The following RBMS2 variants were observed in gnomAD, a reference collection of about 807,000 sequenced individuals.
RBMS2 encodes the protein RNA-binding motif, single-stranded-interacting protein 2.
Under a neutral mutation model 58.4 loss-of-function variants are expected in RBMS2, and 38 were observed. The observed-to-expected ratio is 0.65, with a 90% CI of 0.50 to 0.85. RBMS2 has a LOEUF of 0.85. RBMS2 is among the 40% of genes least tolerant of loss of function. The pLI is 0.00. For synonymous variants in RBMS2, 151 were observed against 180.7 expected (o/e 0.84, Z 1.32); for missense variants, 367 against 503.7 (o/e 0.73, Z 2.60).
At position 56,582,170 on chromosome 12, in the gene RBMS2, A is replaced by G. The variant is rs1884053865; in HGVS notation, c.873+18A>G. The G allele has an allele frequency of 6.4e-7, 1 of 1,568,320 alleles. No individual in the cohort carries two copies. The highest frequency in any genetic ancestry group is 8.7e-7 in the Non-Finnish European group (1 of 1,143,360). ...CGTATCAGGTATGTTCATGCCTGAA[A>G]AATGGTGTGGTGGTTTTCCCTACTA... On this transcript the variant is annotated intron_variant, in intron 9 of 13. Transcript: ENST00000262031.
intron 1 of RBMS2, among the ~76,000 whole-genome samples, chr12:56,539,219 G>C (rs950016437): frequency 4.0e-5 from 6 of 151,890 alleles, no homozygotes; most frequent in Admixed American, 3.3e-4. Flanking sequence ...GTTTCACCAT[G>C]TTGGCCAGGC....
intron 1 of RBMS2, among the ~76,000 whole-genome samples, chr12:56,547,582 G>T (rs1877472404): frequency 6.6e-6 from 1 of 151,622 alleles, no homozygotes; most frequent in South Asian, 2.1e-4. Flanking sequence ...TCACCCTCAG[G>T]AATTAATTGT....
chr12:56,584,259 CCT>C (rs1884360635), intron 9 of RBMS2, among the ~76,000 whole-genome samples: 1 of 151,676 alleles, frequency 6.6e-6, no homozygotes, highest in Non-Finnish European at 1.5e-5. Context: ...TGGCAAAACC[CCT>C]GTCCCTACAA....
chr12:56,567,278 G>A (rs969299784), intron 2 of RBMS2, among the ~76,000 whole-genome samples: 3 of 151,374 alleles, frequency 2.0e-5, no homozygotes, highest in East Asian at 3.9e-4. Flanking sequence ...CCAGCTACTC[G>A]GGAGGCTGAG....
intron 1 of RBMS2, chr12:56,539,739 G>A (rs1010080815): frequency 2.7e-5 from 12 of 445,534 alleles, no homozygotes; most frequent in Middle Eastern, 3.3e-4. Context: ...GCGTGATCTC[G>A]GCTCACTGCA....
rs1885621063 is a variant in RBMS2 at position 56,595,067 on chromosome 12, C to G, written c.*5934C>G. The G allele has an allele frequency of 6.6e-6, 1 of 152,218 alleles. No individual in the cohort carries two copies. Among genetic ancestry groups the G allele is most frequent in the Admixed American group, 6.6e-5 (1 of 15,264 alleles). The allele number at this position is 152,218 out of a possible 1,614,324, so 9.4% of individuals were successfully genotyped here. A position where few individuals can be genotyped will look rare whatever the true frequency, so the allele number is the denominator to read the frequency against. ...TGCTGTGATAGGCCAGGGGAGTAGG[C>G]TGTGCAGTGACGGCTTAGGGTAATA... On this transcript the variant is annotated 3_prime_UTR_variant, in exon 14 of 14. Coordinates refer to ENST00000262031, the MANE Select transcript of RBMS2 (RefSeq NM_002898.4).
chr12:56,577,604 A>G (rs1189172246), intron 5 of RBMS2, among the ~76,000 whole-genome samples: 1 of 151,704 alleles, frequency 6.6e-6, no homozygotes, highest in Non-Finnish European at 1.5e-5. Context: ...CTTCCTGAGT[A>G]TCTGGAACTA....
chr12:56,539,500 G>A (rs1401524945), intron 1 of RBMS2, among the ~76,000 whole-genome samples: 3 of 151,984 alleles, frequency 2.0e-5, no homozygotes, highest in African/African-American at 7.3e-5. Context: ...CCAGTATTCA[G>A]TATTTATATT....
intron 1 of RBMS2, among the ~76,000 whole-genome samples, chr12:56,526,397 G>C (rs1169748807): frequency 6.6e-6 from 1 of 152,036 alleles, no homozygotes; most frequent in Non-Finnish European, 1.5e-5. Context: ...TATCAGGAAA[G>C]ATGTTTCCTG....
chr12:56,581,680 C>T, intron 7 of RBMS2, 153 bp from the exon 8 acceptor site: 1 of 1,160,960 alleles, frequency 8.6e-7, no homozygotes, highest in Non-Finnish European at 1.2e-6. Context: ...GCTTTGCGGC[C>T]TGCACAATTA....
chr12:56,550,670 C>T (rs1022953733), intron 1 of RBMS2, among the ~76,000 whole-genome samples: 4 of 151,834 alleles, frequency 2.6e-5, no homozygotes, highest in Non-Finnish European at 4.4e-5. Flanking sequence ...GATGAAACCC[C>T]GTCTCTACTA....
At chr12:56,552,892 G>C (rs1203262771) in intron 1 of RBMS2, among the ~76,000 whole-genome samples, 1 of 142,010 alleles carries the variant, frequency 7.0e-6, no homozygotes, top group African/African-American at 2.6e-5. Context: ...CCAAATATCA[G>C]TAATAGTTAT....
intron 1 of RBMS2, among the ~76,000 whole-genome samples, chr12:56,559,806 G>A (rs531678804): frequency 2.5e-5 from 3 of 119,054 alleles, no homozygotes; most frequent in Non-Finnish European, 4.8e-5. Flanking sequence ...AGCCAAGATC[G>A]GGCCACTGCA....
chr12:56,538,309 C>T (rs372996859), intron 1 of RBMS2, among the ~76,000 whole-genome samples: 2 of 151,992 alleles, frequency 1.3e-5, no homozygotes, highest in East Asian at 3.9e-4. Flanking sequence ...CCTGGAATTA[C>T]AGGCATGAGC....
In RBMS2 at chr12:56,589,299, T is replaced by A; in HGVS notation, c.*166T>A. On this transcript the variant is annotated 3_prime_UTR_variant, in exon 14 of 14. Transcript: ENST00000262031. The stretch of plus-strand genomic sequence containing the variant: ...ACAGGCCTGGGCCTGGAAAAAGAAA[T>A]CTCTACGTTCCTGCCCTTTACTATT... The A allele has an allele frequency of 7.3e-7, 1 of 1,378,832 alleles. No individual in the cohort carries two copies. Among genetic ancestry groups the A allele is most frequent in the Non-Finnish European group, 9.5e-7 (1 of 1,051,310 alleles). 85.4% of individuals were successfully genotyped at this position (1,378,832 alleles called of 1,614,324 possible).
intron 5 of RBMS2, among the ~76,000 whole-genome samples, chr12:56,580,531 C>T (rs781629582): frequency 6.6e-6 from 1 of 152,160 alleles, no homozygotes; most frequent in Non-Finnish European, 1.5e-5. Context: ...CCGCACCCGG[C>T]GGATCAGAGG....
At position 56,589,234 on chromosome 12, in the gene RBMS2, G is replaced by C; in HGVS notation, c.*101G>C. 6.7e-7 allele frequency: 1 copy of C among 1,486,618 alleles called. No individual in the cohort carries two copies. Among genetic ancestry groups the C allele is most frequent in the Non-Finnish European group, 9.0e-7 (1 of 1,113,612 alleles). The allele number at this position is 1,486,618 out of a possible 1,614,324, so 92.1% of individuals were successfully genotyped here. ...GGTTAACCAGGAATGGAGACCATCC[G>C]TCGGCCCTGCTAAGGACTAACACTT... is the stretch of plus-strand genomic sequence containing the variant. On this transcript the variant is annotated 3_prime_UTR_variant, in exon 14 of 14. Coordinates refer to ENST00000262031, the MANE Select transcript of RBMS2 (RefSeq NM_002898.4).
intron 1 of RBMS2, among the ~76,000 whole-genome samples, chr12:56,551,133 G>GAA (rs71081379): frequency 6.9e-6 from 1 of 144,586 alleles, no homozygotes; most frequent in African/African-American, 2.5e-5. Flanking sequence ...AAAAAAAAAA[G>GAA]AAAAAAAAAA....
chr12:56,575,043 G>A (rs909728925), intron 5 of RBMS2, among the ~76,000 whole-genome samples: 2 of 152,022 alleles, frequency 1.3e-5, no homozygotes, highest in African/African-American at 4.8e-5. Context: ...AGCTTACTCG[G>A]AAGGCTGATG....
Sources: allele counts gnomAD v4.1 joint callset (sites outside exome capture counted in the v4.1 genomes callset), GRCh38; gene constraint gnomAD v4.1.1; transcripts MANE v1.5; gene names NCBI Gene and HGNC (gene_info 2026-07-23, HGNC 2026-07-21).